RTN3: variants seen among roughly 807,000 people sequenced by gnomAD.
RTN3 encodes the protein reticulon 3.
In RTN3, 49 loss-of-function variants were observed where a neutral mutation model predicts 77.8. The ratio of observed to expected loss-of-function variants is 0.63; its 90% CI spans 0.50 to 0.80. The LOEUF is 0.80. Among genes scored for constraint, RTN3 ranks in the 30% least tolerant of loss-of-function variants. RTN3 has a pLI of 0.00. For missense variants in RTN3, 1,236 were observed against 1,211.9 expected (o/e 1.02, Z -0.29); for synonymous variants, 464 against 446.9 (o/e 1.04, Z -0.48).
At chr11:63,701,806 G>T (rs796530915) in intron 1 of RTN3, among the ~76,000 whole-genome samples, 9 of 152,046 alleles carry the variant, frequency 5.9e-5, no homozygotes, top group Non-Finnish European at 5.9e-5. Context: ...TTATCTGGGC[G>T]TAGTGGTGCA....
At chr11:63,705,336 G>C (rs867115649) in intron 2 of RTN3, among the ~76,000 whole-genome samples, 1 of 152,070 alleles carries the variant, frequency 6.6e-6, no homozygotes, top group Non-Finnish European at 1.5e-5. Context: ...GAAAATATCC[G>C]GGCATAGGTG....
At chr11:63,747,576 TA>T (rs1194067386) in intron 3 of RTN3, among the ~76,000 whole-genome samples, 2 of 152,224 alleles carry the variant, frequency 1.3e-5, no homozygotes, top group Non-Finnish European at 2.9e-5. Flanking sequence ...ACAATCAGCA[TA>T]TTTTTAGTGT....
chr11:63,697,469 C>CATTATTATT (rs71039664), intron 1 of RTN3, among the ~76,000 whole-genome samples: 5,232 of 146,918 alleles, frequency 0.036, 131 homozygotes, highest in Middle Eastern at 0.11. Flanking sequence ...ACACCCAGCT[C>CATTATTATT]ATTATTATTA....
chr11:63,716,239 T>C (rs2011392055), intron 2 of RTN3, among the ~76,000 whole-genome samples: 1 of 152,240 alleles, frequency 6.6e-6, no homozygotes, highest in African/African-American at 2.4e-5. Flanking sequence ...AATACTGGAA[T>C]TTTATTTATT....
At chr11:63,741,698 G>T (rs984719383) in intron 3 of RTN3, among the ~76,000 whole-genome samples, 1 of 150,024 alleles carries the variant, frequency 6.7e-6, no homozygotes, top group Admixed American at 6.6e-5. Flanking sequence ...ATGGGGTTCT[G>T]CCGTGTTGGC....
chr11:63,726,473 A>G (rs915268047), intron 3 of RTN3, among the ~76,000 whole-genome samples: 11 of 152,210 alleles, frequency 7.2e-5, no homozygotes, highest in Non-Finnish European at 1.2e-4. Flanking sequence ...GTGACAGCCT[A>G]AAATTCTGTA....
rs367829558 is a variant in RTN3 at position 63,720,617 on chromosome 11, C to T, written c.2115C>T (p.Asp705=). The change falls in exon 3 of 9, where the codon GAC becomes GAT. Residue 705 remains aspartate (D), a synonymous_variant. Coordinates refer to ENST00000377819, the MANE Select transcript of RTN3 (RefSeq NM_001265589.2). ...ENESGGSEIK[D]IGSKYSEQSK... is the part of the protein sequence containing the mutation. ...AGTCCGGTGGTTCTGAAATTAAAGACATTGGAAGCAAATACAGTGAACAAA... is the reference window on the plus strand; with the variant it reads ...AGTCCGGTGGTTCTGAAATTAAAGATATTGGAAGCAAATACAGTGAACAAA... 20 of 1,613,852 alleles carry T rather than the reference C, an allele frequency of 1.2e-5. No individual in the cohort carries two copies. The highest frequency in any genetic ancestry group is 1.6e-5 in the Non-Finnish European group (19 of 1,179,952).
intron 2 of RTN3, among the ~76,000 whole-genome samples, chr11:63,705,908 A>G (rs1942471933): frequency 6.6e-6 from 1 of 152,232 alleles, no homozygotes; most frequent in African/African-American, 2.4e-5. Context: ...ACTAATAATA[A>G]AGTATTATTT....
chr11:63,758,515 A>G lies in RTN3; in HGVS notation c.*314A>G. 1 of 622,102 alleles carries G rather than the reference A, an allele frequency of 1.6e-6. No individual in the cohort carries two copies. The highest frequency in any genetic ancestry group is 2.7e-6 in the Non-Finnish European group (1 of 373,380). The allele number at this position is 622,102 out of a possible 1,614,324, so 38.5% of individuals were successfully genotyped here. ...GGGAAAGATTGGAGGTAAGAGAGAA[A>G]ATGAAAGAACACCTCTGGGTCCTTC... On this transcript the variant is annotated 3_prime_UTR_variant, in exon 9 of 9. Transcript: ENST00000377819.
At chr11:63,705,377 G>A (rs1942448051) in intron 2 of RTN3, among the ~76,000 whole-genome samples, 1 of 152,166 alleles carries the variant, frequency 6.6e-6, no homozygotes, top group Non-Finnish European at 1.5e-5. Flanking sequence ...CTACTCAGGA[G>A]GCTGAGGTGG....
intron 1 of RTN3, among the ~76,000 whole-genome samples, chr11:63,692,376 T>C (rs1397729906): frequency 1.3e-5 from 2 of 152,136 alleles, no homozygotes; most frequent in East Asian, 3.9e-4. Context: ...TTATTTGCTG[T>C]TCACTCTGCC....
chr11:63,684,007 A>T (rs1213517499), intron 1 of RTN3, among the ~76,000 whole-genome samples: 2 of 121,892 alleles, frequency 1.6e-5, no homozygotes, highest in Non-Finnish European at 3.1e-5. Context: ...ACTGGAGTGC[A>T]GTGGAGCCAT....
chr11:63,702,258 A>G (rs1030955280), intron 1 of RTN3, among the ~76,000 whole-genome samples: 2 of 148,364 alleles, frequency 1.3e-5, no homozygotes, highest in Non-Finnish European at 3.0e-5. Flanking sequence ...AAGTCATTTT[A>G]TGTTCTTAGT....
intron 1 of RTN3, among the ~76,000 whole-genome samples, chr11:63,703,161 TTTACATA>T (rs1565309258): frequency 6.6e-6 from 1 of 152,186 alleles, no homozygotes; most frequent in Non-Finnish European, 1.5e-5. Context: ...GTAACAACTA[TTTACATA>T]GCATTTACGT....
intron 2 of RTN3, among the ~76,000 whole-genome samples, chr11:63,712,969 C>T (rs948113352): frequency 1.3e-5 from 2 of 152,020 alleles, no homozygotes; most frequent in Admixed American, 1.3e-4. Flanking sequence ...GTGGCGCATG[C>T]CTGTAATCCC....
chr11:63,745,697 T>A (rs948718073), intron 3 of RTN3, among the ~76,000 whole-genome samples: 28 of 152,210 alleles, frequency 1.8e-4, no homozygotes, highest in Non-Finnish European at 2.9e-4. Context: ...ACTGCACACA[T>A]CTAGGGGCAC....
In RTN3 at chr11:63,756,220, C is replaced by A. The variant is rs777694763; in HGVS notation, c.3053+50C>A. The A allele has an allele frequency of 3.1e-6, 4 of 1,281,482 alleles. No individual in the cohort carries two copies. The African/African-American group carries it at 4.4e-5, about 14-fold the overall frequency. The allele number at this position is 1,281,482 out of a possible 1,614,324, so 79.4% of individuals were successfully genotyped here. On this transcript the variant is annotated intron_variant, in intron 8 of 8. Transcript: ENST00000377819. ...ATCATGAGGTATGCTTCCTTCCCCCCAATTATCTTTAGTCCCTTGTACAAA... is the reference window on the plus strand; with the variant it reads ...ATCATGAGGTATGCTTCCTTCCCCCAAATTATCTTTAGTCCCTTGTACAAA...
intron 3 of RTN3, chr11:63,747,022 GAAGT>G (rs1590883145): frequency 4.4e-6 from 2 of 456,022 alleles, no homozygotes; most frequent in East Asian, 6.9e-5. Flanking sequence ...AAGATTAAAA[GAAGT>G]AAGTTCCTCA....
chr11:63,721,057 C>T, intron 3 of RTN3, 25 bp downstream of exon 3: 1 of 1,542,712 alleles, frequency 6.5e-7, no homozygotes, highest in South Asian at 1.3e-5. Flanking sequence ...TAGAATACTG[C>T]ATGTGGTTAA....
Sources: allele counts gnomAD v4.1 joint callset (sites outside exome capture counted in the v4.1 genomes callset), GRCh38; gene constraint gnomAD v4.1.1; transcripts MANE v1.5; gene names NCBI Gene and HGNC (gene_info 2026-07-23, HGNC 2026-07-21).